Variants in FGF12 observed in about 807,000 individuals in gnomAD.
The protein encoded by FGF12 is fibroblast growth factor 12B.
In FGF12, 14 loss-of-function variants were observed where a neutral mutation model predicts 23.6. The observed-to-expected ratio is 0.59, with a 90% confidence interval of 0.39 to 0.93. The LOEUF (loss-of-function observed/expected upper bound fraction) is 0.93, where lower values mean the gene tolerates loss of function less well. Ranked by LOEUF, FGF12 falls within the 40% of genes least tolerant of loss-of-function variation. FGF12 has a pLI of 0.00. For missense variants in FGF12, 175 were observed against 217.8 expected, an observed-to-expected ratio of 0.80 and a Z score of 1.24; for synonymous variants, 62 against 77.3, an observed-to-expected ratio of 0.80 and a Z score of 1.04.
intron 2 of FGF12, among the ~76,000 whole-genome samples, chr3:192,710,199 A>G (rs1044587607): frequency 6.6e-6 from 1 of 152,212 alleles, no homozygotes; most frequent in African/African-American, 2.4e-5. Flanking sequence ...AAAATGCTAC[A>G]TCAAGCACTT....
At chr3:192,339,518 C>T (rs1415130031) in intron 3 of FGF12, among the ~76,000 whole-genome samples, 3 of 152,148 alleles carry the variant, frequency 2.0e-5, no homozygotes, top group Admixed American at 1.3e-4. Context: ...CTGCTGTAAC[C>T]GGCTTCACAG....
intron 2 of FGF12, among the ~76,000 whole-genome samples, chr3:192,559,322 A>T (rs1051641783): frequency 8.6e-5 from 13 of 152,038 alleles, no homozygotes; most frequent in African/African-American, 2.9e-4. Flanking sequence ...ATTTCTCCAA[A>T]GAAGACATAT....
chr3:192,306,604 C>A (rs1252715100), intron 4 of FGF12, among the ~76,000 whole-genome samples: 1 of 152,070 alleles, frequency 6.6e-6, no homozygotes, highest in Non-Finnish European at 1.5e-5. Context: ...TTCTAAGGGG[C>A]AAATGAATGA....
chr3:192,407,431 A>G (rs1721007140), intron 2 of FGF12, among the ~76,000 whole-genome samples: 2 of 152,234 alleles, frequency 1.3e-5, no homozygotes, highest in African/African-American at 4.8e-5. Flanking sequence ...AGGAAGTGAA[A>G]GAGCATGAGG....
chr3:192,582,747 A>C (rs933026971), intron 2 of FGF12, among the ~76,000 whole-genome samples: 2 of 152,112 alleles, frequency 1.3e-5, no homozygotes, highest in African/African-American at 2.4e-5. Flanking sequence ...AGGTCTGGGT[A>C]TGAACCAGGA....
chr3:192,669,130 C>T (rs1026719602), intron 2 of FGF12, among the ~76,000 whole-genome samples: 7 of 151,782 alleles, frequency 4.6e-5, no homozygotes, highest in Admixed American at 3.9e-4. Flanking sequence ...TCAATAGATA[C>T]GCTAAATCGT....
intron 2 of FGF12, among the ~76,000 whole-genome samples, chr3:192,715,715 G>A (rs1180067306): frequency 2.0e-5 from 3 of 152,186 alleles, no homozygotes; most frequent in African/African-American, 7.2e-5. Flanking sequence ...ATTTTCACAT[G>A]TATTGCCAGC....
chr3:192,219,317 T>C (rs779328410), intron 4 of FGF12, among the ~76,000 whole-genome samples: 7 of 152,102 alleles, frequency 4.6e-5, no homozygotes, highest in Non-Finnish European at 8.8e-5. Flanking sequence ...ACTCCTGACC[T>C]CAAGTGATCC....
intron 2 of FGF12, among the ~76,000 whole-genome samples, chr3:192,561,779 ATTGT>A (rs1281715824): frequency 6.6e-6 from 1 of 152,172 alleles, no homozygotes; most frequent in Non-Finnish European, 1.5e-5. Flanking sequence ...ATAGTATCAG[ATTGT>A]TTGCAAATTT....
intron 2 of FGF12, among the ~76,000 whole-genome samples, chr3:192,638,825 C>T (rs752686659): frequency 1.3e-4 from 20 of 152,164 alleles, no homozygotes; most frequent in Non-Finnish European, 2.5e-4. Flanking sequence ...GCAGTAATAA[C>T]ATGGCAGTGT....
chr3:192,212,004 C>A (rs954517599), intron 4 of FGF12, among the ~76,000 whole-genome samples: 2 of 152,192 alleles, frequency 1.3e-5, no homozygotes, highest in Admixed American at 1.3e-4. Context: ...TCCCAAATAG[C>A]CCATTGTGCA....
Position 192,408,542 on chromosome 3 carries a change from C to G in FGF12, c.14-48004G>C. 1 of 1,174,852 alleles carries G rather than the reference C, an allele frequency of 8.5e-7. No individual in the cohort carries two copies. Among genetic ancestry groups the G allele is most frequent in the Non-Finnish European group, 1.1e-6 (1 of 948,610 alleles). The allele number at this position is 1,174,852 out of a possible 1,614,324, so 72.8% of individuals were successfully genotyped here. A position where few individuals can be genotyped will look rare whatever the true frequency, so the allele number is the denominator to read the frequency against. On this transcript the variant is annotated intron_variant, in intron 2 of 5. Coordinates refer to ENST00000445105, the MANE Select transcript of FGF12 (RefSeq NM_004113.6). This position sits in a 1 kb window ranked among gnomAD's most constrained non-coding sequence, Gnocchi z 7.3. ...ACTTGCACCCCAAGGCGATCGGCGT[C>G]CAAGGGGCAGTGGGGAGTTTAGTCA... is the stretch of plus-strand genomic sequence containing the variant.
At chr3:192,320,958 C>T (rs868699807) in intron 4 of FGF12, among the ~76,000 whole-genome samples, 6 of 151,634 alleles carry the variant, frequency 4.0e-5, no homozygotes, top group Middle Eastern at 6.9e-3. Flanking sequence ...ATAATAAAGA[C>T]CAGAGCAGTA....
intron 2 of FGF12, among the ~76,000 whole-genome samples, chr3:192,705,559 T>C (rs1366103310): frequency 6.6e-6 from 1 of 152,250 alleles, no homozygotes; most frequent in African/African-American, 2.4e-5. Context: ...ATTAAGTTGT[T>C]GTCTTATGTG....
At chr3:192,310,430 C>T (rs1331330216) in intron 4 of FGF12, among the ~76,000 whole-genome samples, 2 of 152,082 alleles carry the variant, frequency 1.3e-5, no homozygotes, top group East Asian at 3.9e-4. Flanking sequence ...AGTTAGAGCC[C>T]TTTTAAAATA....
chr3:192,370,051 T>G (rs1015953657), intron 2 of FGF12, among the ~76,000 whole-genome samples: 1 of 152,138 alleles, frequency 6.6e-6, no homozygotes, highest in Non-Finnish European at 1.5e-5. Flanking sequence ...GTGCTTAGCA[T>G]GTGCAGGGAC....
intron 2 of FGF12, among the ~76,000 whole-genome samples, chr3:192,482,327 T>C (rs1723502765): frequency 6.6e-6 from 1 of 152,122 alleles, no homozygotes; most frequent in African/African-American, 2.4e-5. Flanking sequence ...AGAGAACAGG[T>C]ACCGTGGTAA....
intron 2 of FGF12, among the ~76,000 whole-genome samples, chr3:192,649,959 G>A (rs1716154666): frequency 6.6e-6 from 1 of 152,126 alleles, no homozygotes; most frequent in Non-Finnish European, 1.5e-5. Context: ...TTTCTTACTA[G>A]CAGCTTCAGG....
chr3:192,169,951 C>A (rs747893248), intron 5 of FGF12, among the ~76,000 whole-genome samples: 15 of 148,780 alleles, frequency 1.0e-4, no homozygotes, highest in African/African-American at 3.2e-4. Context: ...CAGTGCAATA[C>A]GGTAAATATA....
Sources: allele counts gnomAD v4.1 joint callset (sites outside exome capture counted in the v4.1 genomes callset), GRCh38; gene constraint gnomAD v4.1.1; non-coding constraint Gnocchi (gnomAD v3.1); transcripts MANE v1.5; gene names NCBI Gene and HGNC (gene_info 2026-07-23, HGNC 2026-07-21).